ARHGEF28: variants seen among roughly 807,000 people sequenced by gnomAD.
ARHGEF28 encodes Rho guanine nucleotide exchange factor 28.
Under a neutral mutation model 206.6 loss-of-function variants are expected in ARHGEF28, and 152 were observed. That is an observed-to-expected ratio of 0.74 (90% confidence interval 0.64 to 0.84). The LOEUF (loss-of-function observed/expected upper bound fraction) is 0.84, where lower values mean the gene tolerates loss of function less well. ARHGEF28 is among the 40% of genes least tolerant of loss of function. The pLI, the probability that ARHGEF28 is intolerant of heterozygous loss-of-function variation, is 0.00. For missense variants in ARHGEF28, 2,028 were observed against 2,073.2 expected (o/e 0.98, Z 0.42); for synonymous variants, 763 against 776.4 (o/e 0.98, Z 0.29).
chr5:73,765,095 C>G (rs1332732934), intron 4 of ARHGEF28, among the ~76,000 whole-genome samples: 1 of 152,044 alleles, frequency 6.6e-6, no homozygotes, highest in Non-Finnish European at 1.5e-5. Context: ...ATTTAACATG[C>G]AGATTTGTTT....
intron 15 of ARHGEF28, 57 bp downstream of exon 15, chr5:73,857,836 A>C (rs1759146823): frequency 1.1e-5 from 17 of 1,537,238 alleles, no homozygotes; most frequent in Admixed American, 4.0e-5. Flanking sequence ...GTTTCTCAGC[A>C]GTTAGTATAA....
At chr5:73,880,299 G>A (rs943925989) in intron 22 of ARHGEF28, among the ~76,000 whole-genome samples, 1 of 152,220 alleles carries the variant, frequency 6.6e-6, no homozygotes, top group South Asian at 2.1e-4. Flanking sequence ...TATTCTGGTG[G>A]GAGTGACCCA....
At chr5:73,670,624 AC>A (rs1746245531) in intron 1 of ARHGEF28, among the ~76,000 whole-genome samples, 1 of 152,192 alleles carries the variant, frequency 6.6e-6, no homozygotes, top group Admixed American at 6.5e-5. Context: ...CAGCAAAAAA[AC>A]CAGTTTTTCC....
intron 2 of ARHGEF28, among the ~76,000 whole-genome samples, chr5:73,741,428 T>C (rs1751423664): frequency 3.1e-5 from 1 of 32,364 alleles, no homozygotes; most frequent in African/African-American, 1.2e-4. Flanking sequence ...TATATATATA[T>C]ATATATATAT....
At chr5:73,675,316 G>A (rs1036578896) in intron 1 of ARHGEF28, among the ~76,000 whole-genome samples, 2 of 152,080 alleles carry the variant, frequency 1.3e-5, no homozygotes, top group African/African-American at 4.8e-5. Context: ...TTTTTCTACT[G>A]AGTGGGTCAC....
chr5:73,816,355 G>A lies in ARHGEF28; in HGVS notation c.1025-15983G>A, dbSNP rs181840237. On this transcript the variant is annotated intron_variant, in intron 9 of 35. Coordinates refer to ENST00000513042, the MANE Select transcript of ARHGEF28 (RefSeq NM_001177693.2). ...TATTTTTGTCAGTCTTTAAAACTGA[G>A]GTGGCTTGAATTTCTTAATCATTCT... is the stretch of plus-strand genomic sequence containing the variant. 3.3e-5 allele frequency among the ~76,000 whole-genome samples: 5 copies of A among 152,248 alleles called. No homozygotes were observed. The East Asian group carries it at 7.7e-4, about 23-fold the overall frequency.
chr5:73,828,821 C>A (rs1030045420), intron 9 of ARHGEF28, among the ~76,000 whole-genome samples: 2 of 150,682 alleles, frequency 1.3e-5, no homozygotes, highest in Non-Finnish European at 3.0e-5. Flanking sequence ...TTTCCTTTTT[C>A]CTTTTTCTTC....
intron 24 of ARHGEF28, 72 bp from the exon 25 acceptor site, chr5:73,885,778 A>G: frequency 7.0e-7 from 1 of 1,423,134 alleles, no homozygotes; most frequent in Non-Finnish European, 9.4e-7. Context: ...AAACTAAAGA[A>G]GAAGTTTTCT....
intron 21 of ARHGEF28, among the ~76,000 whole-genome samples, chr5:73,871,040 G>A (rs1329471206): frequency 2.0e-5 from 3 of 152,182 alleles, no homozygotes; most frequent in African/African-American, 7.2e-5. Context: ...TCTGTCAAAA[G>A]CTGTGTAGGT....
intron 1 of ARHGEF28, among the ~76,000 whole-genome samples, chr5:73,679,797 A>C (rs1389964548): frequency 6.6e-6 from 1 of 151,402 alleles, no homozygotes; most frequent in Non-Finnish European, 1.5e-5. Context: ...ATTATGTAGT[A>C]CATGTTTAAG....
intron 17 of ARHGEF28, 51 bp from the exon 18 acceptor site, chr5:73,865,914 G>C: frequency 7.7e-7 from 1 of 1,295,906 alleles, no homozygotes; most frequent in Non-Finnish European, 1.1e-6. Flanking sequence ...TATTCTTATA[G>C]TCTAATGATA....
chr5:73,635,330 G>C (rs1743635217), intron 1 of ARHGEF28, among the ~76,000 whole-genome samples: 1 of 151,996 alleles, frequency 6.6e-6, no homozygotes, highest in Non-Finnish European at 1.5e-5. Context: ...GGCAACAATA[G>C]TGAAACTCCA....
intron 9 of ARHGEF28, among the ~76,000 whole-genome samples, chr5:73,808,199 C>A (rs1755626043): frequency 6.6e-6 from 1 of 151,654 alleles, no homozygotes; most frequent in Non-Finnish European, 1.5e-5. Context: ...CGATTCATGT[C>A]TATTTTATGT....
At chr5:73,644,427 C>A (rs1230860855) in intron 1 of ARHGEF28, among the ~76,000 whole-genome samples, 1 of 152,208 alleles carries the variant, frequency 6.6e-6, no homozygotes, top group Non-Finnish European at 1.5e-5. Context: ...TCCACCTCTG[C>A]TCCCCCAGCA....
chr5:73,920,084 A>G (rs1010417617), intron 35 of ARHGEF28, among the ~76,000 whole-genome samples: 3 of 152,238 alleles, frequency 2.0e-5, no homozygotes, highest in South Asian at 2.1e-4. Context: ...AGCTGAAGCC[A>G]CACAGTTGAC....
chr5:73,699,798 T>C (rs1256794570), intron 2 of ARHGEF28, among the ~76,000 whole-genome samples: 3 of 152,170 alleles, frequency 2.0e-5, no homozygotes, highest in Non-Finnish European at 4.4e-5. Context: ...ACAGAAAACA[T>C]AAAGTGATTA....
At chr5:73,776,812 G>T in intron 6 of ARHGEF28, 116 bp downstream of exon 6, 1 of 888,508 alleles carries the variant, frequency 1.1e-6, no homozygotes. Flanking sequence ...ATGAAACCTT[G>T]GGGGACATGA....
chr5:73,843,227 A>G (rs959627435), intron 11 of ARHGEF28, among the ~76,000 whole-genome samples: 1 of 152,156 alleles, frequency 6.6e-6, no homozygotes, highest in Non-Finnish European at 1.5e-5. Flanking sequence ...TGTAGAATAT[A>G]ATTTAGACAA....
At chr5:73,763,419 T>C (rs1752718272) in intron 4 of ARHGEF28, among the ~76,000 whole-genome samples, 1 of 152,212 alleles carries the variant, frequency 6.6e-6, no homozygotes, top group Non-Finnish European at 1.5e-5. Flanking sequence ...CCTGCCTGGC[T>C]GTAGGCGAAT....
Sources: gnomAD v4.1 joint callset for allele counts (sites outside exome capture counted in the v4.1 genomes callset) on GRCh38, gnomAD v4.1.1 for gene constraint, MANE v1.5 for transcripts, NCBI Gene and HGNC (gene_info 2026-07-23, HGNC 2026-07-21) for gene names.